The following SPG11 variants were observed in gnomAD, a reference collection of about 807,000 sequenced individuals.
SPG11 encodes the protein spatacsin.
A neutral mutation model predicts 274.0 loss-of-function variants in SPG11; 222 were observed. The observed-to-expected ratio is 0.81, with a 90% CI of 0.73 to 0.91. The LOEUF is 0.91. Among genes scored for constraint, SPG11 ranks in the 40% least tolerant of loss-of-function variants. SPG11 has a pLI of 0.00. For missense variants in SPG11, 3,114 were observed against 2,872.7 expected, an observed-to-expected ratio of 1.08 and a Z score of -1.92; for synonymous variants, 1,144 against 1,039.7, an observed-to-expected ratio of 1.10 and a Z score of -1.93.
rs116483186 is a variant in SPG11 at position 44,633,946 on chromosome 15, C to G, written c.1603-309G>C. ...CTTTATCTCTCAGGTTCAAGAGATT[C>G]TCCTGCCCCAGCCTCCCAAGTAGTT... On this transcript the variant is annotated intron_variant, in intron 7 of 39. Coordinates refer to ENST00000261866, the MANE Select transcript of SPG11 (RefSeq NM_025137.4). Among the ~76,000 whole-genome samples, 2,983 of 152,036 alleles carry G rather than the reference C, an allele frequency of 0.02. 108 individuals carry two copies. The highest frequency in any genetic ancestry group is 0.068 in the African/African-American group (2,829 of 41,440).
chr15:44,649,816 A>G (rs1168482125), intron 6 of SPG11, among the ~76,000 whole-genome samples: 2 of 151,098 alleles, frequency 1.3e-5, no homozygotes, highest in Non-Finnish European at 2.9e-5. Context: ...AATCACTTGA[A>G]CCTGGGAGGC....
At chr15:44,595,061 C>A (rs1426538565) in intron 26 of SPG11, among the ~76,000 whole-genome samples, 198 bp downstream of exon 26, 1 of 152,190 alleles carries the variant, frequency 6.6e-6, no homozygotes, top group South Asian at 2.1e-4. Flanking sequence ...AAGTGATCCA[C>A]CCGCCTCAGC....
intron 26 of SPG11, 143 bp from the exon 27 acceptor site, chr15:44,592,581 A>G (rs1437398275): frequency 3.0e-6 from 2 of 667,094 alleles, no homozygotes; most frequent in East Asian, 5.6e-5. Flanking sequence ...CACTTTGGGA[A>G]GCCGAGCCAG....
chr15:44,651,613 C>A lies in SPG11; in HGVS notation c.1334G>T (p.Arg445Met), dbSNP rs763340734. The A allele has an allele frequency of 2.5e-6, 4 of 1,614,236 alleles. No homozygotes were observed. In the East Asian group the frequency reaches 8.9e-5, roughly 36 times the overall value. Residue 445 changes from arginine (R) to methionine (M), a missense_variant, in exon 6 of 40, where the codon AGG (arginine) becomes ATG (methionine). Transcript: ENST00000261866. Reference sequence around the variant, plus strand: ...CCAGAGGGTAATGGTATAGCCCATCCTTTCCACTTCCCAAGTAAACAGTGC... The same window carrying A: ...CCAGAGGGTAATGGTATAGCCCATCATTTCCACTTCCCAAGTAAACAGTGC... Reference protein sequence around the residue: ...FTALFTWEVERMGYTITLWDL... With the variant: ...FTALFTWEVEMMGYTITLWDL...
chr15:44,633,692 T>C, intron 7 of SPG11, 55 bp from the exon 8 acceptor site: 3 of 1,551,790 alleles, frequency 1.9e-6, no homozygotes, highest in Non-Finnish European at 2.6e-6. Flanking sequence ...GAAAAAAAAA[T>C]CAGGATTCAG....
intron 8 of SPG11, among the ~76,000 whole-genome samples, chr15:44,631,563 A>G (rs979827848): frequency 2.0e-5 from 3 of 152,220 alleles, no homozygotes; most frequent in African/African-American, 4.8e-5. Flanking sequence ...CAAAGAAAAA[A>G]GAGCATATTA....
intron 21 of SPG11, among the ~76,000 whole-genome samples, chr15:44,599,860 CCTTT>C (rs1427138814): frequency 6.6e-6 from 1 of 151,984 alleles, no homozygotes; most frequent in African/African-American, 2.4e-5. Flanking sequence ...CATATAATTC[CCTTT>C]TTTTAAAGTT....
chr15:44,571,496 C>CTTTTTTTTTTT (rs796235342), intron 33 of SPG11, among the ~76,000 whole-genome samples: 1 of 126,134 alleles, frequency 7.9e-6, no homozygotes, highest in African/African-American at 3.0e-5. Context: ...AATTTCTTTT[C>CTTTTTTTTTTT]TTTTTTTTTT....
rs147999915 is a variant in SPG11, at chr15:44,583,916, C to G, written c.5764G>C (p.Ala1922Pro). The G allele has an allele frequency of 1.8e-5, 29 of 1,614,112 alleles. No homozygotes were observed. The African/African-American group carries it at 3.3e-4, about 19-fold the overall frequency. Residue 1922 changes from alanine (A) to proline (P), a missense_variant, in exon 30 of 40, where the codon GCT becomes CCT. Physicochemically the swap from Ala to Pro is conservative, Grantham distance 27. Coordinates refer to ENST00000261866, the MANE Select transcript of SPG11 (RefSeq NM_025137.4). ...TCTGGGTGCAGATCCTCCATACTAG[C>G]TTCCCCTGAGGCCAGTGCTCTGCAG... is the stretch of plus-strand genomic sequence containing the variant. ...LHCRALASGE[A>P]SMEDLHPEIH...
chr15:44,597,367 T>C (rs1025133957), intron 23 of SPG11, among the ~76,000 whole-genome samples: 1 of 152,148 alleles, frequency 6.6e-6, no homozygotes, highest in Non-Finnish European at 1.5e-5. Flanking sequence ...CCGCCTCACA[T>C]TCCTGAAGTG....
chr15:44,630,706 A>G (rs1297228420), intron 8 of SPG11, among the ~76,000 whole-genome samples: 1 of 152,030 alleles, frequency 6.6e-6, no homozygotes, highest in South Asian at 2.1e-4. Context: ...CAGCCTCCCG[A>G]GTAGCTGGGA....
At chr15:44,570,458 T>A (rs1384481583) in intron 34 of SPG11, 67 bp downstream of exon 34, 1 of 1,606,004 alleles carries the variant, frequency 6.2e-7, no homozygotes, top group African/African-American at 1.3e-5. Flanking sequence ...CTGGGCTGGC[T>A]CCCACCCTTT....
intron 18 of SPG11, 138 bp from the exon 19 acceptor site, chr15:44,608,743 C>A: frequency 1.3e-6 from 1 of 757,356 alleles, no homozygotes; most frequent in Admixed American, 2.7e-5. Context: ...GACAAGTAGT[C>A]ATAAGTTAAC....
At chr15:44,653,381 T>C (rs981019775) in intron 4 of SPG11, among the ~76,000 whole-genome samples, 1 of 152,054 alleles carries the variant, frequency 6.6e-6, no homozygotes, top group African/African-American at 2.4e-5. Context: ...TGAAAAGAAG[T>C]TAGAGAAGGT....
At chr15:44,656,805 T>G (rs998064575) in intron 4 of SPG11, among the ~76,000 whole-genome samples, 1 of 152,196 alleles carries the variant, frequency 6.6e-6, no homozygotes, top group Non-Finnish European at 1.5e-5. Flanking sequence ...TCTATACAAT[T>G]AAGTGCTAAA....
Position 44,659,230 on chromosome 15 carries a change from GAC to G in SPG11, c.514_515del (p.Val172HisfsTer8), listed in dbSNP as rs750530051. The G allele has an allele frequency of 6.2e-7, 1 of 1,614,086 alleles. No individual in the cohort carries two copies. The highest frequency in any genetic ancestry group is 8.5e-7 in the Non-Finnish European group (1 of 1,179,954). On this transcript the variant is annotated frameshift_variant, in exon 3 of 40. Coordinates refer to ENST00000261866, the MANE Select transcript of SPG11 (RefSeq NM_025137.4). LOFTEE classifies it high-confidence loss of function. ...TTTCAGGAAATATAATATGTAGGAT[GAC>G]ACATTTGTTGATGAACAGTAATGAT... is the stretch of plus-strand genomic sequence containing the variant. ...NTSLLFINKC[V>X]ILHIIFPERD...
At chr15:44,643,026 T>C (rs901459968) in intron 7 of SPG11, among the ~76,000 whole-genome samples, 2 of 152,232 alleles carry the variant, frequency 1.3e-5, no homozygotes, top group African/African-American at 2.4e-5. Flanking sequence ...TGTTTTACTA[T>C]TGTTATCACT....
chr15:44,661,133 C>T lies in SPG11; in HGVS notation c.258-517G>A, dbSNP rs1306707749. On this transcript the variant is annotated intron_variant, in intron 1 of 39. Coordinates refer to ENST00000261866, the MANE Select transcript of SPG11 (RefSeq NM_025137.4). Reference sequence around the variant, plus strand: ...TGTTTTATATTAGCATTGCCCAATACAGTAGTCAATAGCCACATGCAGCTA... The same window carrying T: ...TGTTTTATATTAGCATTGCCCAATATAGTAGTCAATAGCCACATGCAGCTA... 3.9e-5 allele frequency among the ~76,000 whole-genome samples: 6 copies of T among 152,258 alleles called. No homozygotes were observed. In the East Asian group the frequency reaches 1.2e-3, roughly 29 times the overall value.
chr15:44,628,039 C>G (rs1305695679), intron 10 of SPG11, among the ~76,000 whole-genome samples: 1 of 152,186 alleles, frequency 6.6e-6, no homozygotes, highest in Non-Finnish European at 1.5e-5. Flanking sequence ...TGATTATGAT[C>G]ATCTGTGTTA....
Sources: allele counts gnomAD v4.1 joint callset (sites outside exome capture counted in the v4.1 genomes callset), GRCh38; gene constraint gnomAD v4.1.1; transcripts MANE v1.5; gene names NCBI Gene and HGNC (gene_info 2026-07-23, HGNC 2026-07-21).